AUTS2: variants seen among roughly 807,000 people sequenced by gnomAD.
AUTS2 encodes activator of transcription and developmental regulator AUTS2, also known as autism susceptibility gene 2 protein.
In AUTS2, 17 loss-of-function variants were observed where a neutral mutation model predicts 112.4. The observed-to-expected ratio is 0.15, with a 90% CI of 0.10 to 0.23. The LOEUF (loss-of-function observed/expected upper bound fraction) is 0.23, where lower values mean the gene tolerates loss of function less well. Ranked by LOEUF, AUTS2 falls within the 10% of genes least tolerant of loss-of-function variation. The pLI is 1.00. For missense variants in AUTS2, 1,510 were observed against 1,701.6 expected (o/e 0.89, Z 1.98); for synonymous variants, 751 against 702.7 (o/e 1.07, Z -1.09).
intron 1 of AUTS2, among the ~76,000 whole-genome samples, chr7:69,690,206 G>A (rs945674083): frequency 2.0e-5 from 3 of 152,184 alleles, no homozygotes; most frequent in Admixed American, 6.5e-5. Context: ...TCATAACTTA[G>A]TAGTTGACTA....
In AUTS2 at chr7:70,781,671, G is replaced by A; in HGVS notation, c.2061G>A (p.Leu687=). 6.2e-7 allele frequency: 1 copy of A among 1,614,168 alleles called. No individual in the cohort carries two copies. Among genetic ancestry groups the A allele is most frequent in the Non-Finnish European group, 8.5e-7 (1 of 1,180,032 alleles). The change falls in exon 15 of 19, where the codon CTG becomes CTA. Residue 687 remains leucine, a synonymous_variant. Transcript: ENST00000342771. ...KLDFGLKPEF[L]SRPPGPSLFG... is the part of the protein sequence containing the mutation. Reference sequence around the variant, plus strand: ...ACTTTGGACTGAAACCTGAGTTCCTGAGCCGCCCTCCAGGCCCCAGTCTTT... The same window carrying A: ...ACTTTGGACTGAAACCTGAGTTCCTAAGCCGCCCTCCAGGCCCCAGTCTTT...
intron 4 of AUTS2, among the ~76,000 whole-genome samples, chr7:70,257,396 C>T (rs995485786): frequency 6.6e-6 from 1 of 152,182 alleles, no homozygotes; most frequent in Non-Finnish European, 1.5e-5. Flanking sequence ...CGGCTCACTG[C>T]AATCTCCGCC....
chr7:69,957,571 A>G (rs1797266662), intron 2 of AUTS2, among the ~76,000 whole-genome samples: 1 of 151,938 alleles, frequency 6.6e-6, no homozygotes, highest in African/African-American at 2.4e-5. Context: ...TTATAGTTAC[A>G]TATATATTGG....
chr7:69,652,625 TG>T (rs936864772), intron 1 of AUTS2, among the ~76,000 whole-genome samples: 26 of 152,066 alleles, frequency 1.7e-4, no homozygotes, highest in African/African-American at 6.3e-4. Context: ...AAAATATTCT[TG>T]TTGTCACAGG....
At chr7:69,822,248 A>G (rs2129526444) in intron 1 of AUTS2, among the ~76,000 whole-genome samples, 1 of 152,350 alleles carries the variant, frequency 6.6e-6, no homozygotes, top group South Asian at 2.1e-4. Context: ...GTAGAGCTTA[A>G]CCATCACAAT....
intron 5 of AUTS2, among the ~76,000 whole-genome samples, chr7:70,661,494 C>T (rs1468830328): frequency 6.6e-6 from 1 of 152,202 alleles, no homozygotes; most frequent in Non-Finnish European, 1.5e-5. Context: ...ACGCTTTGGA[C>T]TCAGATCTTG....
chr7:70,505,777 G>A (rs1399825162), intron 5 of AUTS2, among the ~76,000 whole-genome samples: 2 of 152,146 alleles, frequency 1.3e-5, no homozygotes, highest in Admixed American at 6.5e-5. Context: ...CTAACCAGAG[G>A]GTTTGGGGGA....
chr7:69,782,858 C>T (rs77148640), intron 1 of AUTS2, among the ~76,000 whole-genome samples: 6,293 of 152,130 alleles, frequency 0.041, 142 homozygotes, highest in Middle Eastern at 0.068. Flanking sequence ...TGTTGAGTCC[C>T]TAGGAATTAT....
At chr7:69,919,556 C>T (rs769134928) in intron 2 of AUTS2, among the ~76,000 whole-genome samples, 1 of 152,208 alleles carries the variant, frequency 6.6e-6, no homozygotes, top group South Asian at 2.1e-4. Context: ...GCTGTATGAA[C>T]GTGTATTTTG....
chr7:70,223,534 A>G (rs1462214782), intron 4 of AUTS2, among the ~76,000 whole-genome samples: 1 of 152,242 alleles, frequency 6.6e-6, no homozygotes, highest in Non-Finnish European at 1.5e-5. Flanking sequence ...TACAGCATAT[A>G]CAGTTATATA....
chr7:70,752,572 G>A (rs1788936349), intron 6 of AUTS2, among the ~76,000 whole-genome samples: 1 of 152,164 alleles, frequency 6.6e-6, no homozygotes, highest in African/African-American at 2.4e-5. Flanking sequence ...CGAAAGATCA[G>A]GACCACAGGT....
chr7:70,681,766 T>C (rs1368303976), intron 5 of AUTS2, among the ~76,000 whole-genome samples: 1 of 152,168 alleles, frequency 6.6e-6, no homozygotes, highest in Admixed American at 6.5e-5. Flanking sequence ...AGTGTGGATT[T>C]CTTGGTATTT....
rs1304853698 is a variant in AUTS2 at position 69,798,818 on chromosome 7, C to T, written c.310-100468C>T. Among the ~76,000 whole-genome samples the T allele has an allele frequency of 2.6e-5, 4 of 151,964 alleles. No individual in the cohort carries two copies. The South Asian group carries it at 6.2e-4, about 24-fold the overall frequency. The stretch of plus-strand genomic sequence containing the variant: ...TCAGCCTGGACAACATAGTGGGATC[C>T]TATCTCTACAAAAAATTAAAATTTT... On this transcript the variant is annotated intron_variant, in intron 1 of 18. Coordinates refer to ENST00000342771, the MANE Select transcript of AUTS2 (RefSeq NM_015570.4).
At chr7:69,607,857 C>T (rs1792815748) in intron 1 of AUTS2, among the ~76,000 whole-genome samples, 1 of 152,186 alleles carries the variant, frequency 6.6e-6, no homozygotes. Context: ...TATTGTGTGG[C>T]TGCTATTAAC....
At chr7:70,409,567 C>T (rs1794688632) in intron 4 of AUTS2, among the ~76,000 whole-genome samples, 1 of 152,096 alleles carries the variant, frequency 6.6e-6, no homozygotes, top group African/African-American at 2.4e-5. Context: ...GTATTATTGA[C>T]TTGAGGAAGC....
At chr7:69,661,645 A>T (rs1214052755) in intron 1 of AUTS2, among the ~76,000 whole-genome samples, 2 of 152,160 alleles carry the variant, frequency 1.3e-5, no homozygotes, top group African/African-American at 2.4e-5. Context: ...AGTGCTTTTT[A>T]AAAAAACGGA....
chr7:70,688,575 C>T (rs961654663), intron 5 of AUTS2, among the ~76,000 whole-genome samples: 1 of 152,136 alleles, frequency 6.6e-6, no homozygotes, highest in African/African-American at 2.4e-5. Context: ...TGCCTCTAAT[C>T]CCAGCACTTT....
intron 4 of AUTS2, among the ~76,000 whole-genome samples, chr7:70,353,410 T>G (rs1318414652): frequency 6.6e-6 from 1 of 152,092 alleles, no homozygotes; most frequent in African/African-American, 2.4e-5. Context: ...GCATGGTGGT[T>G]TCACTGCATT....
chr7:70,392,260 TCA>T (rs1010248908), intron 4 of AUTS2, among the ~76,000 whole-genome samples: 12 of 152,170 alleles, frequency 7.9e-5, no homozygotes, highest in African/African-American at 2.9e-4. Context: ...TTGGAGAGAC[TCA>T]GTTTTTTCTA....
Sources: allele counts gnomAD v4.1 joint callset (sites outside exome capture counted in the v4.1 genomes callset), GRCh38; gene constraint gnomAD v4.1.1; transcripts MANE v1.5; gene names NCBI Gene and HGNC (gene_info 2026-07-23, HGNC 2026-07-21).